Variants in STXBP5L observed in about 807,000 individuals in gnomAD.
The protein encoded by STXBP5L is syntaxin-binding protein 5-like.
STXBP5L carries 65 observed loss-of-function variants against 144.5 expected under a neutral mutation model. The observed-to-expected ratio is 0.45, with a 90% CI of 0.37 to 0.55. The LOEUF (loss-of-function observed/expected upper bound fraction) is 0.55, where lower values mean the gene tolerates loss of function less well. Ranked by LOEUF, STXBP5L falls within the 20% of genes least tolerant of loss-of-function variation. STXBP5L has a pLI of 0.00. For synonymous variants in STXBP5L, 505 were observed against 469.6 expected (o/e 1.08, Z -0.97); for missense variants, 1,298 against 1,405.5 (o/e 0.92, Z 1.22).
At chr3:121,077,553 C>T (rs370405244) in intron 5 of STXBP5L, among the ~76,000 whole-genome samples, 1 of 152,066 alleles carries the variant, frequency 6.6e-6, no homozygotes, top group Non-Finnish European at 1.5e-5. Context: ...AGCCAAAGAA[C>T]AAAGCTTCCA....
intron 20 of STXBP5L, among the ~76,000 whole-genome samples, chr3:121,334,278 C>T (rs977855055): frequency 3.3e-5 from 5 of 152,024 alleles, no homozygotes; most frequent in Non-Finnish European, 7.4e-5. Context: ...CAGAAAAGTC[C>T]AGGTCCAGAA....
intron 13 of STXBP5L, among the ~76,000 whole-genome samples, chr3:121,239,667 A>G (rs2049600130): frequency 7.6e-6 from 1 of 130,818 alleles, no homozygotes; most frequent in Non-Finnish European, 1.5e-5. Context: ...ATGAGAACAC[A>G]TGGACACAGG....
At chr3:121,351,842 T>C (rs980540452) in intron 20 of STXBP5L, among the ~76,000 whole-genome samples, 1 of 152,184 alleles carries the variant, frequency 6.6e-6, no homozygotes, top group Non-Finnish European at 1.5e-5. Context: ...CTTTAATCTA[T>C]CTTGAATGAA....
intron 22 of STXBP5L, among the ~76,000 whole-genome samples, chr3:121,398,153 A>G (rs1330738623): frequency 1.8e-4 from 27 of 152,374 alleles, no homozygotes; most frequent in Non-Finnish European, 4.4e-5. Flanking sequence ...TCCAGGGAAC[A>G]GAAGTAGATA....
intron 9 of STXBP5L, among the ~76,000 whole-genome samples, chr3:121,192,908 A>G (rs1210082358): frequency 1.3e-5 from 2 of 152,174 alleles, no homozygotes; most frequent in Non-Finnish European, 2.9e-5. Context: ...GGACATAGGC[A>G]TGGGCAAGGA....
chr3:120,930,717 A>G (rs557198069), intron 2 of STXBP5L, among the ~76,000 whole-genome samples: 3 of 152,288 alleles, frequency 2.0e-5, no homozygotes, highest in Admixed American at 6.5e-5. Flanking sequence ...CGGTTGCACC[A>G]TACCATTTAA....
intron 7 of STXBP5L, among the ~76,000 whole-genome samples, chr3:121,126,006 C>G (rs2044689002): frequency 6.6e-6 from 1 of 152,146 alleles, no homozygotes; most frequent in Non-Finnish European, 1.5e-5. Context: ...CTACACCTGA[C>G]CAGTGATGTC....
chr3:120,956,503 G>C (rs1938054243), intron 3 of STXBP5L, among the ~76,000 whole-genome samples: 1 of 151,864 alleles, frequency 6.6e-6, no homozygotes, highest in Non-Finnish European at 1.5e-5. Flanking sequence ...GCATATGTGA[G>C]AACTTCCTTC....
At chr3:121,080,778 T>A (rs927586063) in intron 5 of STXBP5L, among the ~76,000 whole-genome samples, 1 of 152,210 alleles carries the variant, frequency 6.6e-6, no homozygotes, top group African/African-American at 2.4e-5. Context: ...GATTCTTTTC[T>A]CCATCTTGAC....
chr3:121,143,325 A>G (rs2045584049), intron 7 of STXBP5L, among the ~76,000 whole-genome samples: 1 of 151,642 alleles, frequency 6.6e-6, no homozygotes, highest in Non-Finnish European at 1.5e-5. Context: ...AAAGGGGAAA[A>G]CATTGTCATC....
At chr3:121,344,961 TTA>T (rs933622710) in intron 20 of STXBP5L, among the ~76,000 whole-genome samples, 8 of 149,876 alleles carry the variant, frequency 5.3e-5, no homozygotes, top group South Asian at 2.1e-4. Context: ...ATATATAAGA[TTA>T]TATATATATA....
chr3:120,957,309 TATTG>T (rs772210399), intron 3 of STXBP5L, among the ~76,000 whole-genome samples: 13 of 152,022 alleles, frequency 8.6e-5, no homozygotes, highest in Admixed American at 5.3e-4. Context: ...TAGTTTTTGT[TATTG>T]ATTATGTTAC....
intron 20 of STXBP5L, among the ~76,000 whole-genome samples, chr3:121,348,680 T>A (rs1231515479): frequency 6.6e-6 from 1 of 152,072 alleles, no homozygotes; most frequent in African/African-American, 2.4e-5. Flanking sequence ...CCTGGTTTAG[T>A]CTTGGGAGGG....
At chr3:121,286,012 C>A (rs1478351223) in intron 19 of STXBP5L, among the ~76,000 whole-genome samples, 1 of 152,056 alleles carries the variant, frequency 6.6e-6, no homozygotes, top group Admixed American at 6.6e-5. Context: ...AGCAACAGTT[C>A]TACTTATGAT....
chr3:121,157,379 A>T (rs2046153770), intron 8 of STXBP5L, 125 bp from the exon 9 acceptor site: 1 of 1,048,262 alleles, frequency 9.5e-7, no homozygotes, highest in African/African-American at 1.7e-5. Flanking sequence ...GGTCAGAAAA[A>T]TTATGTTTTT....
intron 22 of STXBP5L, among the ~76,000 whole-genome samples, chr3:121,388,947 A>G (rs2046500844): frequency 6.6e-6 from 1 of 152,178 alleles, no homozygotes; most frequent in South Asian, 2.1e-4. Context: ...ATTGATTGGA[A>G]TACTTTGAGA....
intron 3 of STXBP5L, among the ~76,000 whole-genome samples, chr3:120,962,611 G>T (rs146936599): frequency 2.6e-5 from 4 of 151,804 alleles, no homozygotes; most frequent in Admixed American, 2.6e-4. Context: ...ATTTCTGAGG[G>T]CTCTGTTCTG....
chr3:121,240,014 A>C (rs565533748), intron 13 of STXBP5L, among the ~76,000 whole-genome samples: 4 of 152,216 alleles, frequency 2.6e-5, no homozygotes, highest in African/African-American at 9.6e-5. Context: ...AGATTCAACT[A>C]TTTACAATTG....
At chr3:121,377,183 A>G (rs1246472978) in intron 20 of STXBP5L, among the ~76,000 whole-genome samples, 3 of 152,158 alleles carry the variant, frequency 2.0e-5, no homozygotes, top group African/African-American at 4.8e-5. Flanking sequence ...AGCAGAGACA[A>G]TTTGGCTTTC....
Sources: gnomAD v4.1 joint callset for allele counts (sites outside exome capture counted in the v4.1 genomes callset) on GRCh38, gnomAD v4.1.1 for gene constraint, MANE v1.5 for transcripts, NCBI Gene and HGNC (gene_info 2026-07-23, HGNC 2026-07-21) for gene names.